The following ALK variants were observed in gnomAD, a reference collection of about 807,000 sequenced individuals.
ALK encodes ALK receptor tyrosine kinase.
Under a neutral mutation model 163.1 loss-of-function variants are expected in ALK, and 74 were observed. The observed-to-expected ratio is 0.45, with a 90% confidence interval of 0.38 to 0.55. The LOEUF (loss-of-function observed/expected upper bound fraction) is 0.55. ALK is among the 20% of genes least tolerant of loss of function. ALK has a pLI of 0.00. For missense variants in ALK, 2,063 were observed against 2,105.3 expected, an observed-to-expected ratio of 0.98 and a Z score of 0.39; for synonymous variants, 960 against 843.2, an observed-to-expected ratio of 1.14 and a Z score of -2.40.
chr2:29,295,455 AAAC>A (rs1666146751), intron 9 of ALK, among the ~76,000 whole-genome samples: 2 of 152,178 alleles, frequency 1.3e-5, no homozygotes, highest in African/African-American at 4.8e-5. Context: ...ACAAAAGACT[AAAC>A]TATAGTGGGC....
intron 1 of ALK, among the ~76,000 whole-genome samples, chr2:29,847,714 T>G (rs1665881885): frequency 6.6e-6 from 1 of 151,306 alleles, no homozygotes; most frequent in Admixed American, 6.6e-5. Context: ...CATTCATTCA[T>G]TCGTTTATAA....
chr2:29,338,020 T>C (rs932169482), intron 5 of ALK, among the ~76,000 whole-genome samples: 1 of 152,126 alleles, frequency 6.6e-6, no homozygotes, highest in African/African-American at 2.4e-5. Flanking sequence ...CATAACAGAA[T>C]ACATGGGTTC....
chr2:29,909,480 CAGAGAGAGAGAGAGAGAG>C (rs369360033), intron 1 of ALK, among the ~76,000 whole-genome samples: 21 of 135,890 alleles, frequency 1.5e-4, no homozygotes, highest in African/African-American at 5.1e-4. Flanking sequence ...GACAGACAGA[CAGAGAGAGAGAGAGAGAG>C]AGAGAGAGAG....
chr2:29,214,162 T>G, intron 23 of ALK, 81 bp from the exon 24 acceptor site: 1 of 1,223,442 alleles, frequency 8.2e-7, no homozygotes. Context: ...CTTCCAGTGC[T>G]CACAAGGAGG....
At chr2:29,509,316 T>C (rs1308732557) in intron 4 of ALK, among the ~76,000 whole-genome samples, 2 of 152,190 alleles carry the variant, frequency 1.3e-5, no homozygotes, top group African/African-American at 4.8e-5. Context: ...AAAAGAAGCT[T>C]ATTTTTCAAA....
rs766938223 is a variant in ALK, at chr2:29,383,892, T to C, written c.1155-33A>G. 5 of 1,613,662 alleles carry C rather than the reference T, an allele frequency of 3.1e-6. No individual in the cohort carries two copies. In the East Asian group the frequency reaches 1.1e-4, roughly 36 times the overall value. ...CATTGGAAAACAGAGGAGAAAAGCA[T>C]AGAGAAACAGATATGAGAATTAGGC... On this transcript the variant is annotated intron_variant, in intron 4 of 28. Transcript: ENST00000389048.
At chr2:29,296,760 C>T in intron 9 of ALK, 128 bp downstream of exon 9, 1 of 1,105,536 alleles carries the variant, frequency 9.0e-7, no homozygotes, top group South Asian at 1.3e-5. Context: ...TGCACGCGCA[C>T]ATATCGGTGT....
chr2:29,252,779 G>A (rs1404712964), intron 11 of ALK, among the ~76,000 whole-genome samples: 1 of 151,668 alleles, frequency 6.6e-6, no homozygotes, highest in Non-Finnish European at 1.5e-5. Flanking sequence ...AGAAGGTAAT[G>A]GAGCCATTCA....
intron 26 of ALK, among the ~76,000 whole-genome samples, chr2:29,198,336 T>G (rs899740131): frequency 9.3e-6 from 1 of 107,730 alleles, no homozygotes; most frequent in Non-Finnish European, 1.7e-5. Context: ...TGTACACACA[T>G]CATCTCCTTT....
At chr2:29,316,462 T>G (rs1314025998) in intron 8 of ALK, among the ~76,000 whole-genome samples, 66 of 152,216 alleles carry the variant, frequency 4.3e-4, no homozygotes, top group African/African-American at 1.6e-3. Context: ...AAACACCTGT[T>G]TAAGCTATTG....
chr2:29,506,474 G>C (rs767494844), intron 4 of ALK, among the ~76,000 whole-genome samples: 6 of 152,104 alleles, frequency 3.9e-5, no homozygotes, highest in Non-Finnish European at 5.9e-5. Context: ...AGTTGAGCAG[G>C]ATTGGCTCAT....
At chr2:29,880,188 C>G (rs1198441427) in intron 1 of ALK, among the ~76,000 whole-genome samples, 1 of 152,198 alleles carries the variant, frequency 6.6e-6, no homozygotes, top group East Asian at 1.9e-4. Context: ...AAATCTTCCC[C>G]TGGCTGCCTT....
intron 3 of ALK, among the ~76,000 whole-genome samples, chr2:29,678,768 T>C (rs186679968): frequency 4.2e-4 from 63 of 150,752 alleles, no homozygotes; most frequent in African/African-American, 1.4e-3. Flanking sequence ...ACTTGTATAA[T>C]TTTATATAAA....
chr2:29,603,675 G>C (rs1407462317), intron 3 of ALK, among the ~76,000 whole-genome samples: 2 of 151,888 alleles, frequency 1.3e-5, no homozygotes, highest in African/African-American at 2.4e-5. Flanking sequence ...TTTTGTTTTT[G>C]GTTTACCAGT....
At chr2:29,265,060 C>A (rs1665184219) in intron 11 of ALK, among the ~76,000 whole-genome samples, 1 of 152,062 alleles carries the variant, frequency 6.6e-6, no homozygotes. Flanking sequence ...TGCCCTGTCA[C>A]CCAGGCTGGA....
intron 1 of ALK, among the ~76,000 whole-genome samples, chr2:29,819,690 A>G (rs1406342216): frequency 6.6e-6 from 1 of 152,270 alleles, no homozygotes; most frequent in East Asian, 1.9e-4. Flanking sequence ...AAGTAAACTC[A>G]GAGCTGTTGC....
At chr2:29,560,387 A>G (rs1040669036) in intron 3 of ALK, among the ~76,000 whole-genome samples, 2 of 152,238 alleles carry the variant, frequency 1.3e-5, no homozygotes, top group Admixed American at 1.3e-4. Context: ...TTACAGCTGT[A>G]GAGACAAGAA....
At chr2:29,703,867 G>A (rs1338129589) in intron 2 of ALK, among the ~76,000 whole-genome samples, 4 of 152,100 alleles carry the variant, frequency 2.6e-5, no homozygotes, top group African/African-American at 9.7e-5. Context: ...TTAGGGCCAC[G>A]CCACTGATTA....
At chr2:29,711,772 C>G (rs1350190524) in intron 2 of ALK, among the ~76,000 whole-genome samples, 1 of 152,148 alleles carries the variant, frequency 6.6e-6, no homozygotes, top group Non-Finnish European at 1.5e-5. Context: ...GCGACCCCTA[C>G]TTTTGTGTCT....
Sources: allele counts gnomAD v4.1 joint callset (sites outside exome capture counted in the v4.1 genomes callset), GRCh38; gene constraint gnomAD v4.1.1; transcripts MANE v1.5; gene names NCBI Gene and HGNC (gene_info 2026-07-23, HGNC 2026-07-21).